Variants in HYDIN observed in about 807,000 individuals in gnomAD.
HYDIN encodes HYDIN axonemal central pair apparatus protein, also known as axonemal central pair apparatus protein HYDIN.
In HYDIN, 132 loss-of-function variants were observed where a neutral mutation model predicts 403.9. The ratio of observed to expected loss-of-function variants is 0.33; its 90% CI spans 0.28 to 0.38. HYDIN has a LOEUF of 0.38. Ranked by LOEUF, HYDIN falls within the 10% of genes least tolerant of loss-of-function variation. The probability of loss-of-function intolerance (pLI) is 1.00; values close to 1 mark genes in which losing one functional copy is unlikely to be tolerated. For missense variants in HYDIN, 2,827 were observed against 5,009.5 expected, an observed-to-expected ratio of 0.56 and a Z score of 13.15; for synonymous variants, 1,202 against 1,891.7, an observed-to-expected ratio of 0.64 and a Z score of 9.46.
chr16:71,184,371 T>C (rs573659209), intron 3 of HYDIN, among the ~76,000 whole-genome samples: 1 of 152,284 alleles, frequency 6.6e-6, no homozygotes, highest in Non-Finnish European at 1.5e-5. Flanking sequence ...CTGGAAGGTA[T>C]GGTTTACATT....
In HYDIN at chr16:70,933,398, C is replaced by T. The variant is rs535427227; in HGVS notation, c.7158+2554G>A. ...CATAGATGATGAGCTTGGTGTGGGCCGTGTTGAGTTACCAGTGTCCGAGGG... is the reference window on the plus strand; with the variant it reads ...CATAGATGATGAGCTTGGTGTGGGCTGTGTTGAGTTACCAGTGTCCGAGGG... On this transcript the variant is annotated intron_variant, in intron 45 of 85. Coordinates refer to ENST00000393567, the MANE Select transcript of HYDIN (RefSeq NM_001270974.2). Among the ~76,000 whole-genome samples the T allele has an allele frequency of 5.6e-5, 8 of 141,962 alleles. No individual in the cohort carries two copies. In the East Asian group the frequency reaches 1.0e-3, roughly 18 times the overall value. The allele number at this position is 141,962 out of a possible 152,430, so 93.1% of individuals were successfully genotyped here.
chr16:71,026,710 C>A (rs561264820), intron 20 of HYDIN, among the ~76,000 whole-genome samples: 2 of 152,332 alleles, frequency 1.3e-5, no homozygotes, highest in African/African-American at 4.8e-5. Context: ...ACTGAGGATG[C>A]GTTTTACCTG....
intron 80 of HYDIN, among the ~76,000 whole-genome samples, chr16:70,832,597 C>A: frequency 6.6e-6 from 1 of 152,220 alleles, no homozygotes; most frequent in African/African-American, 2.4e-5. Flanking sequence ...AATCATAGAT[C>A]TTAGAATGTG....
intron 77 of HYDIN, among the ~76,000 whole-genome samples, chr16:70,836,247 G>C (rs2037417869): frequency 6.6e-6 from 1 of 152,174 alleles, no homozygotes; most frequent in Non-Finnish European, 1.5e-5. Context: ...CTGTGGCCAG[G>C]CCCTGAGCCA....
rs112110309 is a variant in HYDIN at position 70,857,870 on chromosome 16, T to C, written c.12130A>G (p.Ile4044Val). 21 of 1,613,516 alleles carry C rather than the reference T, an allele frequency of 1.3e-5. No homozygotes were observed. The highest frequency in any genetic ancestry group is 1.7e-4 in the Middle Eastern group (1 of 6,056). ...GFIHPEKKAE[I>V]VFQFTPFHLG... ...TGGAAAGGTGTGAACTGGAACACGA[T>C]CTAACAAGACAATTTGGAACAGAGT... The change falls in exon 72 of 86, where the codon ATC (isoleucine) becomes GTC (valine). Residue 4044 changes from isoleucine (I) to valine (V), a missense_variant and splice_region_variant. Physicochemically the swap from Ile to Val is conservative, Grantham distance 29 (BLOSUM62 3). Transcript: ENST00000393567.
intron 13 of HYDIN, among the ~76,000 whole-genome samples, chr16:71,079,098 A>T (rs2082705959): frequency 6.6e-6 from 1 of 151,602 alleles, no homozygotes; most frequent in African/African-American, 2.4e-5. Flanking sequence ...TGCTGGCTGG[A>T]ATGTGAGTAT....
At chr16:71,202,651 T>C (rs2088078350) in intron 1 of HYDIN, among the ~76,000 whole-genome samples, 1 of 152,226 alleles carries the variant, frequency 6.6e-6, no homozygotes, top group Admixed American at 6.5e-5. Context: ...TATAGAATTT[T>C]CTAACATGAG....
chr16:71,115,988 C>A (rs1436927992), intron 9 of HYDIN, among the ~76,000 whole-genome samples, 193 bp from the exon 10 acceptor site: 1 of 152,086 alleles, frequency 6.6e-6, no homozygotes, highest in Non-Finnish European at 1.5e-5. Context: ...ACATCTATCT[C>A]CTCACATAGT....
Position 71,020,229 on chromosome 16 carries a change from G to C in HYDIN, c.3275C>G (p.Ser1092Cys), listed in dbSNP as rs778247890. Reference sequence around the variant, plus strand: ...AGTCTCACATATAAAGAAGGGTCCAGATGTTGACAGCAACAAGTTCACGGG... The same window carrying C: ...AGTCTCACATATAAAGAAGGGTCCACATGTTGACAGCAACAAGTTCACGGG... ...TLPVNLLLSTSGPFFICETDK... is the reference protein window; with the variant it reads ...TLPVNLLLSTCGPFFICETDK... The change falls in exon 22 of 86, where the codon TCT becomes TGT. Residue 1092 changes from serine to cysteine, a missense_variant. Transcript: ENST00000393567. The C allele has an allele frequency of 1.9e-6, 3 of 1,613,830 alleles. No individual in the cohort carries two copies. In the East Asian group the frequency reaches 6.7e-5, roughly 36 times the overall value.
intron 9 of HYDIN, among the ~76,000 whole-genome samples, chr16:71,120,989 G>T (rs571455324): frequency 3.3e-5 from 5 of 149,722 alleles, no homozygotes; most frequent in Middle Eastern, 3.4e-3. Flanking sequence ...CATAATATAC[G>T]TAACCACCCA....
chr16:70,938,227 G>A (rs2077555251), intron 44 of HYDIN, among the ~76,000 whole-genome samples: 1 of 152,252 alleles, frequency 6.6e-6, no homozygotes, highest in Non-Finnish European at 1.5e-5. Context: ...TGGATCACCA[G>A]CTGTGGACAT....
At position 70,882,644 on chromosome 16, in the gene HYDIN, A is replaced by G. The variant is rs374857695; in HGVS notation, c.10215+16T>C. The G allele has an allele frequency of 5.2e-6, 8 of 1,536,128 alleles. No individual in the cohort carries two copies. The African/African-American group carries it at 5.4e-5, about 10-fold the overall frequency. On this transcript the variant is annotated intron_variant, in intron 60 of 85. Coordinates refer to ENST00000393567, the MANE Select transcript of HYDIN (RefSeq NM_001270974.2). ...TGTGAACCACGCTGGGCCAGGGGCC[A>G]TTGGGAGCGTCTTACCTTATTGGAG...
chr16:70,855,177 T>C lies in HYDIN; in HGVS notation c.12394A>G (p.Asn4132Asp). Residue 4132 changes from asparagine (N) to aspartate (D), a missense_variant, in exon 73 of 86, where the codon AAC becomes GAC. Transcript: ENST00000393567. Reference sequence around the variant, plus strand: ...TCCATGGGACATACAAGCAGGCTGTTGCTGAAACCTTCAGAATAGCGGGAG... The same window carrying C: ...TCCATGGGACATACAAGCAGGCTGTCGCTGAAACCTTCAGAATAGCGGGAG... ...DNSRYSEGFS[N>D]SLLVCPMEGW... The C allele has an allele frequency of 7.0e-7, 1 of 1,424,188 alleles. No individual in the cohort carries two copies. Among genetic ancestry groups the C allele is most frequent in the Non-Finnish European group, 9.7e-7 (1 of 1,027,326 alleles). 88.2% of individuals were successfully genotyped at this position (1,424,188 alleles called of 1,614,324 possible). A position where few individuals can be genotyped will look rare whatever the true frequency, so the allele number is the denominator to read the frequency against.
At chr16:71,225,295 A>C (rs2040983876) in intron 1 of HYDIN, among the ~76,000 whole-genome samples, 1 of 152,186 alleles carries the variant, frequency 6.6e-6, no homozygotes. Flanking sequence ...CTAGGCACTG[A>C]TAAAGGTATC....
chr16:71,212,083 T>C (rs1446316524), intron 1 of HYDIN, among the ~76,000 whole-genome samples: 1 of 152,202 alleles, frequency 6.6e-6, no homozygotes, highest in Non-Finnish European at 1.5e-5. Context: ...TTCAACAACT[T>C]AATGCAGCAT....
chr16:70,927,087 G>C (rs2502714), intron 45 of HYDIN, among the ~76,000 whole-genome samples: 74,525 of 151,008 alleles, frequency 0.49, 19,820 homozygotes, highest in Non-Finnish European at 0.61. Context: ...GGAAGAGTTA[G>C]TGGCTAATGG....
chr16:70,984,384 T>TA (rs71387558), intron 28 of HYDIN, among the ~76,000 whole-genome samples: 104 of 90,682 alleles, frequency 1.1e-3, no homozygotes, highest in East Asian at 1.5e-3. Flanking sequence ...GACATGGTCT[T>TA]AAAAAAAAAA....
At chr16:70,959,038 C>G (rs2078327793) in intron 39 of HYDIN, among the ~76,000 whole-genome samples, 1 of 151,892 alleles carries the variant, frequency 6.6e-6, no homozygotes, top group Non-Finnish European at 1.5e-5. Flanking sequence ...CTGCAAATTA[C>G]TATACAAATA....
intron 5 of HYDIN, among the ~76,000 whole-genome samples, chr16:71,170,753 G>A (rs2144626999): frequency 6.6e-6 from 1 of 152,196 alleles, no homozygotes; most frequent in East Asian, 1.9e-4. Context: ...TCATGGTACT[G>A]TGGTTATGCT....
Sources: gnomAD v4.1 joint callset for allele counts (sites outside exome capture counted in the v4.1 genomes callset) on GRCh38, gnomAD v4.1.1 for gene constraint, MANE v1.5 for transcripts, NCBI Gene and HGNC (gene_info 2026-07-23, HGNC 2026-07-21) for gene names.